Variants in NXF3 observed in about 807,000 individuals in gnomAD.
The protein encoded by NXF3 is TAP-like protein 3.
A neutral mutation model predicts 48.4 loss-of-function variants in NXF3; 34 were observed. The ratio of observed to expected loss-of-function variants is 0.70; its 90% CI spans 0.53 to 0.93. NXF3 has a LOEUF of 0.93. NXF3 is among the 40% of genes least tolerant of loss of function. NXF3 has a pLI of 0.00. For missense variants in NXF3, 359 were observed against 406.1 expected, an observed-to-expected ratio of 0.88 and a Z score of 1.00; for synonymous variants, 132 against 145.7, an observed-to-expected ratio of 0.91 and a Z score of 0.68.
chrX:103,085,900 CAAAA>C (rs56135590), intron 1 of NXF3, among the ~76,000 whole-genome samples: 1 of 43,536 alleles, frequency 2.3e-5, no homozygotes, highest in Non-Finnish European at 4.0e-5. Flanking sequence ...GAGACTCTGT[CAAAA>C]AAAAAAAAAA....
intron 1 of NXF3, chrX:103,087,966 G>A: frequency 1.0e-6 from 1 of 956,318 alleles, no homozygotes; most frequent in Non-Finnish European, 1.5e-6. Flanking sequence ...ATTGCCCCCT[G>A]CCTAATAAGT....
Position 103,079,366 on chromosome X carries a change from T to C in NXF3, c.1328A>G (p.Tyr443Cys), listed in dbSNP as rs375248383. The C allele has an allele frequency of 4.5e-5, 55 of 1,209,201 alleles. No individual in the cohort carries two copies. Among genetic ancestry groups the C allele is most frequent in the African/African-American group, 2.4e-4 (14 of 57,242 alleles). ...GAGGAAGCAGGTACTCACCGTCTGGTACCACATGTCCACCAGGAAGGAGCT... is the reference window on the plus strand; with the variant it reads ...GAGGAAGCAGGTACTCACCGTCTGGCACCACATGTCCACCAGGAAGGAGCT... The part of the protein sequence containing the change: ...DLSSFLVDMW[Y>C]QTEWMLCFSV... Residue 443 changes from tyrosine to cysteine, a missense_variant, in exon 15 of 20, where the codon TAC becomes TGC. Transcript: ENST00000395065.
At chrX:103,088,119 G>T in intron 1 of NXF3, 1 of 931,300 alleles carries the variant, frequency 1.1e-6, no homozygotes. Context: ...GATTCTCAAT[G>T]AACACATGTG....
rs1375684854 is a variant in NXF3 at position 103,080,002 on chromosome X, G to C, written c.1052+11C>G. On this transcript the variant is annotated intron_variant, in intron 12 of 19. Transcript: ENST00000395065. ...AGCCTTCTCTTGCCTCAGATTCCCA[G>C]GGATACTTACTGCTGCAGGAATTGC... 3 of 1,210,177 alleles carry C rather than the reference G, an allele frequency of 2.5e-6. No homozygotes were observed. Among genetic ancestry groups the C allele is most frequent in the Non-Finnish European group, 3.4e-6 (3 of 894,288 alleles).
At chrX:103,079,316 T>G (rs1921949147) in intron 15 of NXF3, 43 bp downstream of exon 15, 2 of 1,207,821 alleles carry the variant, frequency 1.7e-6, no homozygotes, top group East Asian at 5.9e-5. Flanking sequence ...CCTACCCACC[T>G]CTGGCTTTCT....
chrX:103,076,134 G>T (rs73523994), intron 19 of NXF3, 107 bp downstream of exon 19: 1 of 561,605 alleles, frequency 1.8e-6, no homozygotes, highest in Non-Finnish European at 3.1e-6. Flanking sequence ...GCCCTTGGCC[G>T]AGAGGAAGTG....
intron 17 of NXF3, among the ~76,000 whole-genome samples, chrX:103,078,316 G>A (rs1921920700): frequency 8.9e-6 from 1 of 111,857 alleles, no homozygotes; most frequent in South Asian, 3.8e-4. Context: ...TGTAGAGACA[G>A]GGTCTCACTG....
chrX:103,080,881 C>T, intron 9 of NXF3: 2 of 379,663 alleles, frequency 5.3e-6, no homozygotes, highest in South Asian at 5.2e-5. Context: ...GCTCTGCTAC[C>T]TCACTGGATG....
chrX:103,077,692 G>T lies in NXF3; in HGVS notation c.1506C>A (p.Thr502=). 2 of 1,210,433 alleles carry T rather than the reference G, an allele frequency of 1.7e-6. No individual in the cohort carries two copies. Among genetic ancestry groups the T allele is most frequent in the South Asian group, 1.8e-5 (1 of 56,945 alleles). ...GCACTAGGGTGAACAAGGCACTCTG[G>T]GTCCCTTGGTGGCTGGTATCCCGCA... is the stretch of plus-strand genomic sequence containing the variant. The part of the protein sequence containing the change: ...LFVRDTSHQG[T]QSALFTLVPT... Residue 502 remains threonine (T), a synonymous_variant, in exon 18 of 20, where the codon ACC becomes ACA. Coordinates refer to ENST00000395065, the MANE Select transcript of NXF3 (RefSeq NM_022052.2).
intron 1 of NXF3, chrX:103,088,221 A>C (rs1280913626): frequency 3.9e-6 from 3 of 773,176 alleles, no homozygotes; most frequent in African/African-American, 2.1e-5. Context: ...CCAAGCTTAA[A>C]CGTGCTAGGA....
rs377084869 is a variant in NXF3 at position 103,079,194 on chromosome X, T to C, written c.1378+27A>G. 2.7e-5 allele frequency: 32 copies of C among 1,199,596 alleles called. No homozygotes were observed. In the African/African-American group the frequency reaches 4.8e-4, roughly 18 times the overall value. Reference sequence around the variant, plus strand: ...CAGGGGGAGGGAGGAGTGGGGGATCTGGGGAAGGGACTCTACAGACACTCA... The same window carrying C: ...CAGGGGGAGGGAGGAGTGGGGGATCCGGGGAAGGGACTCTACAGACACTCA... On this transcript the variant is annotated intron_variant, in intron 16 of 19. Transcript: ENST00000395065.
At chrX:103,076,202 C>T in intron 19 of NXF3, 39 bp downstream of exon 19, 1 of 1,052,962 alleles carries the variant, frequency 9.5e-7, no homozygotes, top group Non-Finnish European at 1.3e-6. Flanking sequence ...CCCAGGCCAC[C>T]CAACCTCTGC....
chrX:103,088,981 G>T, intron 1 of NXF3: 1 of 1,172,037 alleles, frequency 8.5e-7, no homozygotes. Flanking sequence ...GGTAGCACCA[G>T]GCAGCCCTGT....
Position 103,086,582 on chromosome X carries a change from G to A in NXF3, c.29-1699C>T, listed in dbSNP as rs755901529. Among the ~76,000 whole-genome samples the A allele has an allele frequency of 3.2e-3, 341 of 108,208 alleles. 1 individual carries two copies. The highest frequency in any genetic ancestry group is 0.011 in the African/African-American group (314 of 29,649). 94.0% of individuals were successfully genotyped at this position (108,208 alleles called of 115,157 possible). ...GGCAAAAATAAATATATAGTAATAC[G>A]GTCTATTTAAACCAAATCATACCTA... On this transcript the variant is annotated intron_variant, in intron 1 of 19. Coordinates refer to ENST00000395065, the MANE Select transcript of NXF3 (RefSeq NM_022052.2).
chrX:103,077,613 C>A lies in NXF3; in HGVS notation c.1584+1G>T. 2 of 1,210,356 alleles carry A rather than the reference C, an allele frequency of 1.7e-6. No individual in the cohort carries two copies. Among genetic ancestry groups the A allele is most frequent in the Non-Finnish European group, 2.2e-6 (2 of 894,809 alleles). On this transcript the variant is annotated splice_donor_variant, in intron 18 of 19. Coordinates refer to ENST00000395065, the MANE Select transcript of NXF3 (RefSeq NM_022052.2). LOFTEE classifies it high-confidence loss of function. The stretch of plus-strand genomic sequence containing the variant: ...CCAGACTGGGCAGAGAAAACCTGTA[C>A]CATTTTCTGCTGCTCCTGGGAGAAG...
At position 103,080,599 on chromosome X, in the gene NXF3, A is replaced by G. The variant is rs1356365154; in HGVS notation, c.904T>C (p.Leu302=). ...TSSNINSILE[L]FPKLLCLDGQ... ...ACCAGGCATAATAATTTGGGGAACA[A>G]TTCCAGGATGGAGCTGCCGAAAATC... Residue 302 remains leucine, a synonymous_variant, in exon 10 of 20, where the codon TTG becomes CTG. Coordinates refer to ENST00000395065, the MANE Select transcript of NXF3 (RefSeq NM_022052.2). 1 of 1,211,418 alleles carries G rather than the reference A, an allele frequency of 8.3e-7. No individual in the cohort carries two copies. The highest frequency in any genetic ancestry group is 3.0e-5 in the East Asian group (1 of 33,858).
chrX:103,088,495 T>C, intron 1 of NXF3: 2 of 1,047,406 alleles, frequency 1.9e-6, no homozygotes, highest in South Asian at 1.9e-5. Context: ...TATTAAGCAT[T>C]GATAATTCAG....
chrX:103,088,123 A>T, intron 1 of NXF3: 1 of 940,100 alleles, frequency 1.1e-6, no homozygotes, highest in Non-Finnish European at 1.5e-6. Flanking sequence ...CTCAATGAAC[A>T]CATGTGTTTT....
At chrX:103,082,738 C>A in intron 8 of NXF3, 22 bp downstream of exon 8, 1 of 1,153,623 alleles carries the variant, frequency 8.7e-7, no homozygotes, top group Non-Finnish European at 1.2e-6. Flanking sequence ...CCCTCAATCC[C>A]AGCATGAGCC....
Sources: gnomAD v4.1 joint callset for allele counts (sites outside exome capture counted in the v4.1 genomes callset) on GRCh38, gnomAD v4.1.1 for gene constraint, MANE v1.5 for transcripts, NCBI Gene and HGNC (gene_info 2026-07-23, HGNC 2026-07-21) for gene names.